Variants in ST6GALNAC5 observed in about 807,000 individuals in gnomAD.
The protein encoded by ST6GALNAC5 is alpha-N-acetylgalactosaminide alpha-2,6-sialyltransferase 5.
ST6GALNAC5 carries 27 observed loss-of-function variants against 33.6 expected under a neutral mutation model. The observed-to-expected ratio is 0.80, with a 90% confidence interval of 0.59 to 1.11. The LOEUF is 1.11. Among genes scored for constraint, ST6GALNAC5 ranks in the 50% least tolerant of loss-of-function variants. The pLI, the probability that ST6GALNAC5 is intolerant of heterozygous loss-of-function variation, is 0.00. For synonymous variants in ST6GALNAC5, 194 were observed against 171.2 expected, an observed-to-expected ratio of 1.13 and a Z score of -1.04; for missense variants, 428 against 454.0, an observed-to-expected ratio of 0.94 and a Z score of 0.52.
chr1:76,906,071 A>T (rs1348026356), intron 2 of ST6GALNAC5, among the ~76,000 whole-genome samples: 3 of 152,218 alleles, frequency 2.0e-5, no homozygotes, highest in Non-Finnish European at 4.4e-5. Context: ...AAGAAAAGCC[A>T]TAATGAACCC....
chr1:76,994,557 A>G (rs1649852505), intron 2 of ST6GALNAC5, among the ~76,000 whole-genome samples: 1 of 152,122 alleles, frequency 6.6e-6, no homozygotes, highest in Non-Finnish European at 1.5e-5. Context: ...AAGAATATGA[A>G]TGACATGTAT....
intron 2 of ST6GALNAC5, among the ~76,000 whole-genome samples, chr1:77,007,443 AG>A (rs1650467733): frequency 6.6e-6 from 1 of 152,228 alleles, no homozygotes. Context: ...TTGACAAAAT[AG>A]TCCAAGTTCC....
chr1:76,914,377 C>T (rs982394244), intron 2 of ST6GALNAC5, among the ~76,000 whole-genome samples: 30 of 152,166 alleles, frequency 2.0e-4, no homozygotes, highest in Non-Finnish European at 3.5e-4. Flanking sequence ...GAGCCCGCAT[C>T]GCCAAGTCAA....
At chr1:76,930,393 C>T (rs759313994) in intron 2 of ST6GALNAC5, among the ~76,000 whole-genome samples, 1 of 152,064 alleles carries the variant, frequency 6.6e-6, no homozygotes, top group African/African-American at 2.4e-5. Flanking sequence ...AGAAGTAATG[C>T]AGTTTTTAAG....
At chr1:76,989,757 C>T (rs1038921349) in intron 2 of ST6GALNAC5, among the ~76,000 whole-genome samples, 4 of 152,054 alleles carry the variant, frequency 2.6e-5, no homozygotes, top group Admixed American at 6.6e-5. Context: ...CTTTATTTGG[C>T]CTTGCTTCTT....
chr1:77,016,585 G>C (rs1650861589), intron 2 of ST6GALNAC5, among the ~76,000 whole-genome samples: 1 of 151,998 alleles, frequency 6.6e-6, no homozygotes, highest in African/African-American at 2.4e-5. Flanking sequence ...GTCACTTGGT[G>C]CTAATTAGAG....
chr1:76,939,895 T>G (rs1001076211), intron 2 of ST6GALNAC5, among the ~76,000 whole-genome samples: 6 of 152,096 alleles, frequency 3.9e-5, no homozygotes, highest in Non-Finnish European at 8.8e-5. Context: ...TGAATGACTT[T>G]GGGGAACTTA....
intron 2 of ST6GALNAC5, among the ~76,000 whole-genome samples, chr1:76,994,096 A>C (rs1428841183): frequency 6.6e-6 from 1 of 152,114 alleles, no homozygotes; most frequent in Non-Finnish European, 1.5e-5. Flanking sequence ...CAAATCAGCC[A>C]CTCTTGCAAG....
At chr1:77,024,434 T>C (rs1651159556) in intron 2 of ST6GALNAC5, among the ~76,000 whole-genome samples, 1 of 152,170 alleles carries the variant, frequency 6.6e-6, no homozygotes, top group Non-Finnish European at 1.5e-5. Flanking sequence ...GTACTCAGAA[T>C]CTTGCTACTG....
At position 76,921,853 on chromosome 1, in the gene ST6GALNAC5, C is replaced by T. The variant is rs371105216; in HGVS notation, c.261+53111C>T. Among the ~76,000 whole-genome samples the T allele has an allele frequency of 4.0e-5, 6 of 151,874 alleles. No homozygotes were observed. The East Asian group carries it at 1.2e-3, about 30-fold the overall frequency. ...AGCAAACTAAGAATGAGAAGGGAAC[C>T]TACTCAACTTGATACAGAACATCTA... On this transcript the variant is annotated intron_variant, in intron 2 of 4. Coordinates refer to ENST00000477717, the MANE Select transcript of ST6GALNAC5 (RefSeq NM_030965.3).
intron 4 of ST6GALNAC5, among the ~76,000 whole-genome samples, chr1:77,054,660 G>C (rs1442396170): frequency 2.6e-5 from 4 of 152,052 alleles, no homozygotes; most frequent in Non-Finnish European, 4.4e-5. Flanking sequence ...ATTATATCTT[G>C]GGGGAGCAAA....
chr1:76,993,169 C>T (rs1181933717), intron 2 of ST6GALNAC5, among the ~76,000 whole-genome samples: 1 of 152,212 alleles, frequency 6.6e-6, no homozygotes, highest in Non-Finnish European at 1.5e-5. Context: ...TCACTCCCTC[C>T]ATGATGCCTT....
chr1:77,027,208 A>G (rs1651277164), intron 2 of ST6GALNAC5, among the ~76,000 whole-genome samples: 1 of 152,226 alleles, frequency 6.6e-6, no homozygotes, highest in South Asian at 2.1e-4. Flanking sequence ...ATCACTTACA[A>G]CAAAAACACA....
chr1:76,887,227 A>G (rs1210491103), intron 2 of ST6GALNAC5, among the ~76,000 whole-genome samples: 1 of 152,204 alleles, frequency 6.6e-6, no homozygotes, highest in East Asian at 1.9e-4. Context: ...TAAAAATTAT[A>G]TATGTTTTTG....
At chr1:77,037,136 A>G (rs1651671749) in intron 2 of ST6GALNAC5, among the ~76,000 whole-genome samples, 1 of 152,218 alleles carries the variant, frequency 6.6e-6, no homozygotes, top group Non-Finnish European at 1.5e-5. Context: ...GAAAGGATAC[A>G]CAAGGATAGA....
At chr1:76,937,882 A>G (rs905394771) in intron 2 of ST6GALNAC5, among the ~76,000 whole-genome samples, 1 of 152,088 alleles carries the variant, frequency 6.6e-6, no homozygotes, top group African/African-American at 2.4e-5. Flanking sequence ...ATTTGCCACA[A>G]GCTCCACCAC....
intron 2 of ST6GALNAC5, among the ~76,000 whole-genome samples, chr1:77,021,018 G>A (rs1035855678): frequency 6.6e-6 from 1 of 152,178 alleles, no homozygotes; most frequent in Non-Finnish European, 1.5e-5. Flanking sequence ...TTCTAATCTA[G>A]CCACAGAAGC....
chr1:76,890,869 C>T (rs573315676), intron 2 of ST6GALNAC5, among the ~76,000 whole-genome samples: 2 of 152,044 alleles, frequency 1.3e-5, no homozygotes, highest in Middle Eastern at 3.4e-3. Context: ...CTACATTTAT[C>T]GATTTGAGCA....
chr1:76,887,013 C>T (rs767271964), intron 2 of ST6GALNAC5, among the ~76,000 whole-genome samples: 1 of 152,148 alleles, frequency 6.6e-6, no homozygotes, highest in East Asian at 1.9e-4. Flanking sequence ...GCGATGAACA[C>T]TGGTGTTCCC....
Sources: gnomAD v4.1 joint callset for allele counts (sites outside exome capture counted in the v4.1 genomes callset) on GRCh38, gnomAD v4.1.1 for gene constraint, MANE v1.5 for transcripts, NCBI Gene and HGNC (gene_info 2026-07-23, HGNC 2026-07-21) for gene names.